Variants in SERGEF observed in about 807,000 individuals in gnomAD.
SERGEF encodes the protein secretion-regulating guanine nucleotide exchange factor.
Under a neutral mutation model 50.0 loss-of-function variants are expected in SERGEF, and 51 were observed. The observed-to-expected ratio is 1.02, with a 90% CI of 0.81 to 1.29. The LOEUF (loss-of-function observed/expected upper bound fraction) is 1.29. SERGEF is among the 50% of genes most tolerant of loss of function. SERGEF has a pLI of 0.00. For missense variants in SERGEF, 521 were observed against 557.0 expected, an observed-to-expected ratio of 0.94 and a Z score of 0.65; for synonymous variants, 205 against 212.4, an observed-to-expected ratio of 0.97 and a Z score of 0.30.
chr11:17,871,467 A>C (rs1851136648), intron 10 of SERGEF, among the ~76,000 whole-genome samples: 1 of 151,478 alleles, frequency 6.6e-6, no homozygotes, highest in African/African-American at 2.4e-5. Flanking sequence ...TCTCAAAAAA[A>C]AAAAAAAAAA....
At chr11:17,963,400 T>G (rs1853057235) in intron 8 of SERGEF, among the ~76,000 whole-genome samples, 1 of 150,214 alleles carries the variant, frequency 6.7e-6, no homozygotes, top group African/African-American at 2.4e-5. Context: ...AAAAAATTTT[T>G]TTTTTGACAC....
In SERGEF at chr11:17,832,633, C is replaced by T. The variant is rs541341789; in HGVS notation, c.1049-44220G>A. On this transcript the variant is annotated intron_variant, in intron 10 of 10. Coordinates refer to ENST00000265965, the MANE Select transcript of SERGEF (RefSeq NM_012139.4). ...GAAAATGTGGGGAAAGTTTGGAACTCCCTAGAGACTTCTTGGAGACTTGCT... is the reference window on the plus strand; with the variant it reads ...GAAAATGTGGGGAAAGTTTGGAACTTCCTAGAGACTTCTTGGAGACTTGCT... Among the ~76,000 whole-genome samples the T allele has an allele frequency of 4.5e-4, 68 of 152,184 alleles. 1 individual carries two copies. The highest frequency in any genetic ancestry group is 3.4e-3 in the Middle Eastern group (1 of 294).
intron 10 of SERGEF, among the ~76,000 whole-genome samples, chr11:17,859,107 C>G (rs1337995955): frequency 1.3e-5 from 2 of 151,626 alleles, no homozygotes; most frequent in Non-Finnish European, 2.9e-5. Flanking sequence ...ACAGGGCAAA[C>G]AAAAAACATA....
chr11:17,846,476 C>T, intron 10 of SERGEF: 1 of 351,562 alleles, frequency 2.8e-6, no homozygotes, highest in Non-Finnish European at 5.6e-6. Context: ...CTGGGTCTTT[C>T]CTGTCCTGAT....
At chr11:17,901,326 G>A (rs1173311709) in intron 9 of SERGEF, among the ~76,000 whole-genome samples, 2 of 152,142 alleles carry the variant, frequency 1.3e-5, no homozygotes, top group African/African-American at 4.8e-5. Flanking sequence ...TTCATTGGAT[G>A]CCCAAAGTAA....
At chr11:18,007,901 A>G in intron 2 of SERGEF, 40 bp downstream of exon 2, 1 of 1,580,328 alleles carries the variant, frequency 6.3e-7, no homozygotes, top group Non-Finnish European at 8.6e-7. Context: ...AAACGTCTAA[A>G]TAAGAAAATG....
chr11:17,998,718 G>A (rs1853898519), intron 5 of SERGEF, among the ~76,000 whole-genome samples: 1 of 151,150 alleles, frequency 6.6e-6, no homozygotes, highest in African/African-American at 2.4e-5. Context: ...TAATCTAATA[G>A]GACTGGTGTC....
intron 10 of SERGEF, among the ~76,000 whole-genome samples, chr11:17,812,799 A>G (rs545908383): frequency 3.3e-5 from 5 of 152,336 alleles, no homozygotes; most frequent in African/African-American, 9.6e-5. Context: ...TAAAGCCTCA[A>G]TAAATGTTTT....
intron 2 of SERGEF, among the ~76,000 whole-genome samples, chr11:18,007,643 A>G (rs1854106132): frequency 6.6e-6 from 1 of 151,640 alleles, no homozygotes; most frequent in East Asian, 1.9e-4. Context: ...TAAAATATAC[A>G]TTGTAACTCT....
At chr11:17,819,532 C>G (rs111617914) in intron 10 of SERGEF, among the ~76,000 whole-genome samples, 12 of 152,202 alleles carry the variant, frequency 7.9e-5, no homozygotes, top group African/African-American at 2.9e-4. Context: ...TGAGGTCACA[C>G]GGTGAATGAG....
intron 8 of SERGEF, among the ~76,000 whole-genome samples, chr11:17,960,078 T>C (rs1280882439): frequency 6.6e-6 from 1 of 152,098 alleles, no homozygotes; most frequent in Non-Finnish European, 1.5e-5. Context: ...AGTTCTCCAC[T>C]CCACAATCTC....
intron 10 of SERGEF, among the ~76,000 whole-genome samples, chr11:17,815,252 T>A (rs947399889): frequency 2.6e-5 from 4 of 151,906 alleles, no homozygotes; most frequent in African/African-American, 9.7e-5. Flanking sequence ...TGGGATCTGT[T>A]TCTGGATTTA....
chr11:17,820,088 C>A (rs1334023230), intron 10 of SERGEF, among the ~76,000 whole-genome samples: 1 of 152,112 alleles, frequency 6.6e-6, no homozygotes, highest in Non-Finnish European at 1.5e-5. Context: ...AAATGATCCT[C>A]CTGCCTCAGC....
intron 9 of SERGEF, among the ~76,000 whole-genome samples, chr11:17,929,204 G>T (rs977109861): frequency 6.6e-6 from 1 of 152,118 alleles, no homozygotes; most frequent in African/African-American, 2.4e-5. Context: ...CCAATAACTG[G>T]TGCTGTCATC....
chr11:17,829,929 G>A (rs1850264294), intron 10 of SERGEF, among the ~76,000 whole-genome samples: 1 of 152,220 alleles, frequency 6.6e-6, no homozygotes, highest in Non-Finnish European at 1.5e-5. Flanking sequence ...TGGAGGAGGA[G>A]AGGAAATTGA....
chr11:18,001,376 C>T (rs946609311), intron 4 of SERGEF, among the ~76,000 whole-genome samples: 2 of 152,080 alleles, frequency 1.3e-5, no homozygotes, highest in East Asian at 1.9e-4. Context: ...AGAGTCTAGG[C>T]GAAAAAAGGC....
intron 10 of SERGEF, chr11:17,846,710 T>C (rs1229987931): frequency 2.2e-6 from 1 of 456,258 alleles, no homozygotes; most frequent in Non-Finnish European, 4.4e-6. Flanking sequence ...TCTCTGCAAC[T>C]CCATTTCCAC....
At chr11:17,822,390 G>C (rs980897227) in intron 10 of SERGEF, among the ~76,000 whole-genome samples, 2 of 152,128 alleles carry the variant, frequency 1.3e-5, no homozygotes, top group Admixed American at 6.5e-5. Flanking sequence ...ATTCAAGGGG[G>C]AAAAATGAAG....
intron 9 of SERGEF, among the ~76,000 whole-genome samples, chr11:17,912,821 C>T (rs969534662): frequency 1.3e-5 from 2 of 152,236 alleles, no homozygotes; most frequent in Non-Finnish European, 2.9e-5. Context: ...CCAGCTTCAA[C>T]AAGTCACAGC....
Sources: allele counts gnomAD v4.1 joint callset (sites outside exome capture counted in the v4.1 genomes callset), GRCh38; gene constraint gnomAD v4.1.1; transcripts MANE v1.5; gene names NCBI Gene and HGNC (gene_info 2026-07-23, HGNC 2026-07-21).